CFAP251: variants seen among roughly 807,000 people sequenced by gnomAD.
The protein encoded by CFAP251 is cilia and flagella associated protein 251.
CFAP251 carries 93 observed loss-of-function variants against 126.7 expected under a neutral mutation model. The ratio of observed to expected loss-of-function variants is 0.73; its 90% CI spans 0.62 to 0.87. The LOEUF (loss-of-function observed/expected upper bound fraction) is 0.87. Ranked by LOEUF, CFAP251 falls within the 40% of genes least tolerant of loss-of-function variation. The pLI is 0.00. For missense variants in CFAP251, 1,287 were observed against 1,389.2 expected (o/e 0.93, Z 1.17); for synonymous variants, 503 against 506.9 (o/e 0.99, Z 0.10).
rs1008958064 is a variant in CFAP251, at chr12:121,924,266, C to T, written c.747+276C>T. ...CTAGGATTACAGGCATGAGCCACCA[C>T]GCCTGGCTAATTTTTGTATTTTTAG... On this transcript the variant is annotated intron_variant, in intron 3 of 21. Transcript: ENST00000288912. Among the ~76,000 whole-genome samples the T allele has an allele frequency of 5.2e-4, 78 of 151,228 alleles. 1 individual carries two copies. The highest frequency in any genetic ancestry group is 1.7e-3 in the African/African-American group (72 of 41,224).
In CFAP251 at chr12:121,961,993, C is replaced by T. The variant is rs779223066; in HGVS notation, c.2323C>T (p.Leu775Phe). Residue 775 changes from leucine to phenylalanine, a missense_variant, in exon 15 of 22, where the codon CTC becomes TTC. By Grantham distance (22) the Leu-to-Phe change is conservative. Transcript: ENST00000288912. ...TCCTCTGCAGATAGAGTATGATCTT[C>T]TCAGGAGCTACAAAGACCACCTGGA... Reference protein sequence around the residue: ...TDRLLIEYDLLRSYKDHLEVL... With the variant: ...TDRLLIEYDLFRSYKDHLEVL... 6.2e-7 allele frequency: 1 copy of T among 1,613,654 alleles called. No individual in the cohort carries two copies. The highest frequency in any genetic ancestry group is 2.2e-5 in the East Asian group (1 of 44,892).
chr12:121,950,339 A>G (rs1321692050), intron 8 of CFAP251: 1 of 152,192 alleles, frequency 6.6e-6, no homozygotes, highest in Non-Finnish European at 1.5e-5. Flanking sequence ...CTTAATAGGT[A>G]GGAGATTTCC....
At position 121,935,672 on chromosome 12, in the gene CFAP251, A is replaced by G. The variant is rs573848635; in HGVS notation, c.998+1316A>G. 5.3e-5 allele frequency among the ~76,000 whole-genome samples: 8 copies of G among 152,316 alleles called. No homozygotes were observed. The South Asian group carries it at 1.7e-3, about 32-fold the overall frequency. Reference sequence around the variant, plus strand: ...TTTGACACACTCTGGTGTCTAAGAAATGAGTTGCAGTGACCTTCTTAACCT... The same window carrying G: ...TTTGACACACTCTGGTGTCTAAGAAGTGAGTTGCAGTGACCTTCTTAACCT... On this transcript the variant is annotated intron_variant, in intron 5 of 21. Coordinates refer to ENST00000288912, the MANE Select transcript of CFAP251 (RefSeq NM_144668.6).
At chr12:121,992,568 T>A in intron 19 of CFAP251, 1 of 854,822 alleles carries the variant, frequency 1.2e-6, no homozygotes, top group Non-Finnish European at 1.4e-6. Context: ...ATATATATTA[T>A]TTCTTTTTTT....
chr12:121,997,758 T>G (rs376269254), intron 19 of CFAP251: 9 of 151,710 alleles, frequency 5.9e-5, no homozygotes, highest in South Asian at 2.1e-4. Flanking sequence ...ATAGTTTGTT[T>G]TTTTTTTTTT....
chr12:121,947,421 T>G (rs1565908950), intron 7 of CFAP251, among the ~76,000 whole-genome samples: 1 of 152,170 alleles, frequency 6.6e-6, no homozygotes, highest in Non-Finnish European at 1.5e-5. Context: ...TGATTGCTTT[T>G]TCCCCTTGGT....
intron 15 of CFAP251, among the ~76,000 whole-genome samples, chr12:121,965,633 A>G (rs991229786): frequency 6.6e-6 from 1 of 152,222 alleles, no homozygotes; most frequent in Non-Finnish European, 1.5e-5. Flanking sequence ...TGACGTGGAA[A>G]TATCTCAAAG....
chr12:121,925,655 A>G (rs1037273471), intron 3 of CFAP251, among the ~76,000 whole-genome samples: 13 of 144,454 alleles, frequency 9.0e-5, no homozygotes, highest in African/African-American at 3.4e-4. Flanking sequence ...TTGTTTAGCC[A>G]GCAAACATAA....
rs1010718157 is a variant in CFAP251 at position 121,968,161 on chromosome 12, C to T, written c.2763C>T (p.Ile921=). 8 of 1,605,264 alleles carry T rather than the reference C, an allele frequency of 5.0e-6. No individual in the cohort carries two copies. In the African/African-American group the frequency reaches 1.1e-4, roughly 22 times the overall value. ...ATCGCTCGGTGGTGCAGTGGAAAAT[C>T]ACCTTAAGGTACACGATGGGGCGAG... ...GHDRSVVQWK[I]TLSVLEAAVS... The change falls in exon 17 of 22, where the codon ATC becomes ATT. Residue 921 remains isoleucine, a synonymous_variant. Coordinates refer to ENST00000288912, the MANE Select transcript of CFAP251 (RefSeq NM_144668.6).
rs754523723 is a variant in CFAP251, at chr12:121,923,974, C to T, written c.731C>T (p.Thr244Ile). The T allele has an allele frequency of 1.9e-6, 3 of 1,610,850 alleles. No individual in the cohort carries two copies. The highest frequency in any genetic ancestry group is 1.1e-5 in the South Asian group (1 of 90,650). ...ATTCTGTTTCAAAAGGATAAAAGCA[C>T]CCCGGTGTATCCCTTGGTAAGTGTA... The part of the protein sequence containing the change: ...EDILFQKDKS[T>I]PVYPLTMTWS... Residue 244 changes from threonine to isoleucine, a missense_variant, in exon 3 of 22, where the codon ACC (threonine) becomes ATC (isoleucine). Physicochemically the swap from Thr to Ile is moderately conservative, Grantham distance 89 (BLOSUM62 -1). Coordinates refer to ENST00000288912, the MANE Select transcript of CFAP251 (RefSeq NM_144668.6).
chr12:121,999,087 A>G (rs1883092196), intron 19 of CFAP251: 1 of 151,986 alleles, frequency 6.6e-6, no homozygotes, highest in African/African-American at 2.4e-5. Context: ...TGTTTTTACC[A>G]TGTAAAGTTG....
chr12:121,920,507 C>T (rs1226655983), intron 1 of CFAP251, among the ~76,000 whole-genome samples: 2 of 151,930 alleles, frequency 1.3e-5, no homozygotes, highest in Admixed American at 6.6e-5. Flanking sequence ...CACCATTCTC[C>T]TGCCTCAGCC....
At chr12:121,996,881 C>T (rs1033584461) in intron 19 of CFAP251, 1 of 152,136 alleles carries the variant, frequency 6.6e-6, no homozygotes, top group Non-Finnish European at 1.5e-5. Context: ...CCTGGTGCAG[C>T]CCCACTGGAG....
chr12:121,968,243 C>T, intron 17 of CFAP251, 74 bp downstream of exon 17: 1 of 1,444,312 alleles, frequency 6.9e-7, no homozygotes, highest in East Asian at 2.3e-5. Flanking sequence ...AGACACTGAA[C>T]CCTACTGCGT....
At chr12:121,986,199 C>T (rs866440848) in intron 19 of CFAP251, among the ~76,000 whole-genome samples, 3 of 152,004 alleles carry the variant, frequency 2.0e-5, no homozygotes, top group Admixed American at 6.6e-5. Context: ...GCCATGTTGG[C>T]CAGGCTGGTC....
chr12:121,921,437 A>T lies in CFAP251; in HGVS notation c.132A>T (p.Thr44=). Residue 44 remains threonine, a synonymous_variant, in exon 2 of 22, where the codon ACA becomes ACT. Coordinates refer to ENST00000288912, the MANE Select transcript of CFAP251 (RefSeq NM_144668.6). ...CACAACAGGAATCAAAAGATGACAC[A>T]ATAGCATGGAGAGAGTCTCAGGAGG... The part of the protein sequence containing the change: ...EDPQQESKDD[T]IAWRESQEEE... 1 of 1,613,896 alleles carries T rather than the reference A, an allele frequency of 6.2e-7. No individual in the cohort carries two copies. Among genetic ancestry groups the T allele is most frequent in the Non-Finnish European group, 8.5e-7 (1 of 1,180,004 alleles).
rs10642280 is a variant in CFAP251 at position 121,978,393 on chromosome 12, C to CAAAAA, written c.3006+2732_3006+2736dup. Among the ~76,000 whole-genome samples the CAAAAA allele has an allele frequency of 8.5e-3, 359 of 42,082 alleles. 46 individuals are homozygous for CAAAAA. The highest frequency in any genetic ancestry group is 0.055 in the East Asian group (123 of 2,252). 27.6% of individuals were successfully genotyped at this position (42,082 alleles called of 152,430 possible). The stretch of plus-strand genomic sequence containing the variant: ...TGGGCGACAGAGCAAGACTCTGTCT[C>CAAAAA]AAAAAAAAAAAAAAAAAAAAAAAAA... On this transcript the variant is annotated intron_variant, in intron 19 of 21. Transcript: ENST00000288912.
At chr12:121,950,507 T>A (rs866007979) in intron 8 of CFAP251, 1 of 152,170 alleles carries the variant, frequency 6.6e-6, no homozygotes, top group African/African-American at 2.4e-5. Flanking sequence ...CAAAACACAT[T>A]GAGTCACTGA....
chr12:121,929,735 T>C (rs1196382741), intron 3 of CFAP251, among the ~76,000 whole-genome samples: 1 of 151,722 alleles, frequency 6.6e-6, no homozygotes, highest in Non-Finnish European at 1.5e-5. Context: ...TGGAGTGCAA[T>C]GGCGTGATCT....
Sources: allele counts gnomAD v4.1 joint callset (sites outside exome capture counted in the v4.1 genomes callset), GRCh38; gene constraint gnomAD v4.1.1; transcripts MANE v1.5; gene names NCBI Gene and HGNC (gene_info 2026-07-23, HGNC 2026-07-21).